The following CLDN14 variants were observed in gnomAD, a reference collection of about 807,000 sequenced individuals.
The protein encoded by CLDN14 is claudin 14.
CLDN14 carries 2 observed loss-of-function variants against 2.1 expected under a neutral mutation model. The observed-to-expected ratio is 0.96, with a 90% confidence interval of 0.39 to 3.01. The LOEUF is 3.01. Ranked by LOEUF, CLDN14 falls within the 30% of genes most tolerant of loss-of-function variation. CLDN14 has a pLI of 0.09. For missense variants in CLDN14, 298 were observed against 328.0 expected (o/e 0.91, Z 0.71); for synonymous variants, 136 against 154.4 (o/e 0.88, Z 0.88).
At chr21:36,517,735 G>A (rs2087239387) in intron 1 of CLDN14, among the ~76,000 whole-genome samples, 1 of 152,188 alleles carries the variant, frequency 6.6e-6, no homozygotes, top group Non-Finnish European at 1.5e-5. Flanking sequence ...AGGGCAACTT[G>A]GCTAGGCCAT....
chr21:36,465,191 CACACAGGG>C (rs917318079), intron 1 of CLDN14, among the ~76,000 whole-genome samples: 2 of 152,148 alleles, frequency 1.3e-5, no homozygotes, highest in African/African-American at 4.8e-5. Context: ...GGCTGACGGC[CACACAGGG>C]TGTCCCTGGT....
intron 1 of CLDN14, among the ~76,000 whole-genome samples, chr21:36,464,759 T>C (rs1054270865): frequency 6.6e-5 from 10 of 152,220 alleles, no homozygotes; most frequent in African/African-American, 2.4e-4. Context: ...AACAACCTAA[T>C]GTGGCAGTGA....
intron 1 of CLDN14, among the ~76,000 whole-genome samples, chr21:36,547,756 A>G (rs1042109083): frequency 6.6e-6 from 1 of 152,154 alleles, no homozygotes; most frequent in Admixed American, 6.5e-5. Context: ...GGAGCTGGCC[A>G]CAGGATAAGG....
At chr21:36,517,928 C>T (rs1256047753) in intron 1 of CLDN14, among the ~76,000 whole-genome samples, 1 of 152,200 alleles carries the variant, frequency 6.6e-6, no homozygotes, top group Admixed American at 6.5e-5. Flanking sequence ...GCAAGAAAGA[C>T]TTCTGCCTGC....
At chr21:36,571,895 A>G (rs1184131029) in intron 1 of CLDN14, among the ~76,000 whole-genome samples, 1 of 152,158 alleles carries the variant, frequency 6.6e-6, no homozygotes, top group African/African-American at 2.4e-5. Context: ...CGTATAGAAA[A>G]TTTAAATTAT....
At chr21:36,545,068 A>G (rs746680241) in intron 1 of CLDN14, among the ~76,000 whole-genome samples, 1 of 152,214 alleles carries the variant, frequency 6.6e-6, no homozygotes, top group Admixed American at 6.5e-5. Context: ...AGGTGGCCAT[A>G]GGGATTTGAG....
chr21:36,492,484 C>T (rs1199611692), intron 2 of CLDN14, among the ~76,000 whole-genome samples: 1 of 145,668 alleles, frequency 6.9e-6, no homozygotes, highest in African/African-American at 2.5e-5. Flanking sequence ...AAATTAGCTG[C>T]AGGGCATGGT....
intron 2 of CLDN14, among the ~76,000 whole-genome samples, chr21:36,491,150 C>T (rs183268400): frequency 9.6e-4 from 146 of 152,250 alleles, no homozygotes; most frequent in Middle Eastern, 3.4e-3. Context: ...ACGGTTCAAC[C>T]CTCACCCCAG....
chr21:36,509,489 A>G (rs1322428265), intron 2 of CLDN14, among the ~76,000 whole-genome samples: 3 of 152,216 alleles, frequency 2.0e-5, no homozygotes, highest in African/African-American at 7.2e-5. Flanking sequence ...GAGAAGATAC[A>G]TATGGTTGGG....
At chr21:36,558,759 G>GA (rs1379384920) in intron 1 of CLDN14, among the ~76,000 whole-genome samples, 1 of 109,122 alleles carries the variant, frequency 9.2e-6, no homozygotes, top group East Asian at 3.0e-4. Context: ...CTAACAAGGT[G>GA]GGGTTTTTTT....
rs2146475210 is a variant in CLDN14, at chr21:36,499,621, T to C, written c.-82+10742A>G. ...ATTTCAGGAGGGGAGGTTAGGAATC[T>C]GTGGTTTTATGTCAGCCCCTGTTCC... On this transcript the variant is annotated intron_variant, in intron 2 of 2. Transcript: ENST00000342108. The surrounding 1 kb of genome is among the most constrained non-coding windows in gnomAD (Gnocchi z 4.7). Among the ~76,000 whole-genome samples the C allele has an allele frequency of 6.6e-6, 1 of 152,284 alleles. No individual in the cohort carries two copies. Among genetic ancestry groups the C allele is most frequent in the Admixed American group, 6.5e-5 (1 of 15,284 alleles).
At chr21:36,572,131 ATT>A (rs1207019500) in intron 1 of CLDN14, among the ~76,000 whole-genome samples, 2 of 151,966 alleles carry the variant, frequency 1.3e-5, no homozygotes, top group African/African-American at 4.8e-5. Context: ...CCTTTTTGCA[ATT>A]TTGGTGCCGA....
chr21:36,470,468 G>A (rs1055043792), intron 1 of CLDN14, among the ~76,000 whole-genome samples: 1 of 152,150 alleles, frequency 6.6e-6, no homozygotes, highest in Non-Finnish European at 1.5e-5. Flanking sequence ...CCAGCAACCC[G>A]CAGAGGCCCA....
rs1601622918 is a variant in CLDN14, at chr21:36,523,762, AGAAAGAAAGAG to A, written c.-219-13273_-219-13263del. 1.5e-4 allele frequency among the ~76,000 whole-genome samples: 5 copies of A among 32,376 alleles called. No homozygotes were observed. The East Asian group carries it at 2.0e-3, about 13-fold the overall frequency. 21.2% of individuals were successfully genotyped at this position (32,376 alleles called of 152,430 possible). On this transcript the variant is annotated intron_variant, in intron 1 of 2. Transcript: ENST00000342108. Reference sequence around the variant, plus strand: ...GACTCCATCTAAAAAAAAAAAAAAAAGAAAGAAAGAGAGAAAGAGAGAAAGAAAGAAAGAAA... The same window carrying A: ...GACTCCATCTAAAAAAAAAAAAAAAAAGAAAGAGAGAAAGAAAGAAAGAAA...
chr21:36,504,200 C>T (rs1268126441), intron 2 of CLDN14, among the ~76,000 whole-genome samples: 2 of 151,268 alleles, frequency 1.3e-5, no homozygotes, highest in Non-Finnish European at 2.9e-5. Flanking sequence ...ATTACCTGGG[C>T]ATGGTGGTGC....
chr21:36,488,946 C>T (rs981926296), intron 2 of CLDN14, among the ~76,000 whole-genome samples: 65 of 150,982 alleles, frequency 4.3e-4, no homozygotes, highest in Admixed American at 2.9e-3. Context: ...CTGGCCAACA[C>T]GGTGAATACA....
At chr21:36,534,276 A>G (rs1450684129) in intron 1 of CLDN14, among the ~76,000 whole-genome samples, 1 of 152,192 alleles carries the variant, frequency 6.6e-6, no homozygotes, top group Non-Finnish European at 1.5e-5. Flanking sequence ...ATGAAAATTA[A>G]TAATTTCAAA....
chr21:36,571,083 G>T lies in CLDN14; in HGVS notation c.-220+5328C>A, dbSNP rs1601641142. ...TCTCGAACTCCTGACCTCATGATCT[G>T]CCTGCCTCAGCCTCCGAAAGTGCTG... is the stretch of plus-strand genomic sequence containing the variant. On this transcript the variant is annotated intron_variant, in intron 1 of 2. Coordinates refer to the CLDN14 transcript ENST00000342108. Among the ~76,000 whole-genome samples, 7 of 152,300 alleles carry T rather than the reference G, an allele frequency of 4.6e-5. No individual in the cohort carries two copies. The South Asian group carries it at 1.5e-3, about 32-fold the overall frequency.
At chr21:36,470,810 C>T (rs949715174) in intron 1 of CLDN14, among the ~76,000 whole-genome samples, 3 of 151,720 alleles carry the variant, frequency 2.0e-5, no homozygotes, top group African/African-American at 7.3e-5. Flanking sequence ...CCTATTTCCA[C>T]TAAAAATAAA....
Sources: allele counts gnomAD v4.1 joint callset (sites outside exome capture counted in the v4.1 genomes callset), GRCh38; gene constraint gnomAD v4.1.1; non-coding constraint Gnocchi (gnomAD v3.1); transcripts MANE v1.5; gene names NCBI Gene and HGNC (gene_info 2026-07-23, HGNC 2026-07-21).